The following EYS variants were observed in gnomAD, a reference collection of about 807,000 sequenced individuals.
EYS encodes the protein protein eyes shut homolog.
Under a neutral mutation model 282.1 loss-of-function variants are expected in EYS, and 250 were observed. The ratio of observed to expected loss-of-function variants is 0.89; its 90% CI spans 0.80 to 0.98. The LOEUF (loss-of-function observed/expected upper bound fraction) is 0.98. Ranked by LOEUF, EYS falls within the 50% of genes least tolerant of loss-of-function variation. The pLI, the probability that EYS is intolerant of heterozygous loss-of-function variation, is 0.00. For synonymous variants in EYS, 1,355 were observed against 1,282.9 expected (o/e 1.06, Z -1.20); for missense variants, 4,016 against 3,709.0 (o/e 1.08, Z -2.15).
At chr6:64,561,485 T>C (rs1765392737) in intron 26 of EYS, among the ~76,000 whole-genome samples, 1 of 152,028 alleles carries the variant, frequency 6.6e-6, no homozygotes, top group Non-Finnish European at 1.5e-5. Context: ...AGTTTCAGGA[T>C]ACAAAATCGA....
At chr6:63,877,156 C>T (rs2149715941) in intron 35 of EYS, among the ~76,000 whole-genome samples, 1 of 152,276 alleles carries the variant, frequency 6.6e-6, no homozygotes, top group African/African-American at 2.4e-5. Flanking sequence ...TCTTTTAGGG[C>T]AGGCCTGGTG....
intron 26 of EYS, among the ~76,000 whole-genome samples, chr6:64,470,226 T>C (rs942250427): frequency 6.6e-6 from 1 of 152,034 alleles, no homozygotes; most frequent in Non-Finnish European, 1.5e-5. Flanking sequence ...CTCTCTTGTC[T>C]CCACACACAG....
chr6:64,630,665 T>C (rs1255133963), intron 22 of EYS, among the ~76,000 whole-genome samples: 1 of 152,190 alleles, frequency 6.6e-6, no homozygotes, highest in Non-Finnish European at 1.5e-5. Flanking sequence ...TTTCAGAGTG[T>C]GTTAATGCAG....
intron 12 of EYS, among the ~76,000 whole-genome samples, chr6:65,132,541 A>G (rs1775907662): frequency 6.6e-6 from 1 of 152,072 alleles, no homozygotes; most frequent in Admixed American, 6.6e-5. Context: ...TCAACAAACT[A>G]GGTATTGAAG....
chr6:63,945,988 C>G (rs1765386367), intron 35 of EYS, among the ~76,000 whole-genome samples: 1 of 152,210 alleles, frequency 6.6e-6, no homozygotes, highest in African/African-American at 2.4e-5. Context: ...GTTCACTGCT[C>G]TATTTAGAGT....
intron 31 of EYS, among the ~76,000 whole-genome samples, chr6:64,160,492 G>T (rs2150300678): frequency 6.6e-6 from 1 of 152,232 alleles, no homozygotes; most frequent in South Asian, 2.1e-4. Flanking sequence ...TAGTCTTTGT[G>T]CATAAATCTA....
chr6:65,240,269 A>T (rs543886448), intron 12 of EYS, among the ~76,000 whole-genome samples: 1 of 152,044 alleles, frequency 6.6e-6, no homozygotes, highest in African/African-American at 2.4e-5. Context: ...TGCCCGGCTG[A>T]TTTTTTTAAA....
At chr6:65,661,477 C>G (rs1165488841) in intron 1 of EYS, among the ~76,000 whole-genome samples, 1 of 151,978 alleles carries the variant, frequency 6.6e-6, no homozygotes, top group Admixed American at 6.6e-5. Context: ...AACTTTATAA[C>G]TTACAAAGTA....
intron 29 of EYS, among the ~76,000 whole-genome samples, chr6:64,333,293 C>T (rs1347746785): frequency 6.6e-6 from 1 of 152,034 alleles, no homozygotes; most frequent in Non-Finnish European, 1.5e-5. Context: ...GGAAGTATTC[C>T]CTTACTCAAA....
chr6:64,897,320 A>G (rs1767506485), intron 18 of EYS, among the ~76,000 whole-genome samples: 1 of 152,166 alleles, frequency 6.6e-6, no homozygotes, highest in Non-Finnish European at 1.5e-5. Flanking sequence ...CAGGGTCCGC[A>G]GTGGACCTCC....
intron 22 of EYS, among the ~76,000 whole-genome samples, chr6:64,662,942 G>C (rs1769095595): frequency 6.6e-6 from 1 of 152,104 alleles, no homozygotes; most frequent in African/African-American, 2.4e-5. Flanking sequence ...AAGGAACCTA[G>C]ACTGTTTATA....
intron 31 of EYS, among the ~76,000 whole-genome samples, chr6:64,093,802 G>A (rs1772469156): frequency 6.6e-6 from 1 of 152,138 alleles, no homozygotes; most frequent in African/African-American, 2.4e-5. Flanking sequence ...TTGAATAGGA[G>A]TGGCGAGAGA....
At chr6:64,555,967 AAGAACAAAAACAGAC>A (rs770279057) in intron 26 of EYS, among the ~76,000 whole-genome samples, 6 of 152,018 alleles carry the variant, frequency 3.9e-5, no homozygotes, top group Non-Finnish European at 1.5e-5. Context: ...CAAAAATTAA[AAGAACAAAAACAGAC>A]AATAAAAAGT....
chr6:64,195,499 C>T lies in EYS; in HGVS notation c.6424+35093G>A, dbSNP rs563451576. ...TGTAGTTTTAGTAGAGACGGGGTTTCACCATATTGGCCAGGCTGGTTTCAA... is the reference window on the plus strand; with the variant it reads ...TGTAGTTTTAGTAGAGACGGGGTTTTACCATATTGGCCAGGCTGGTTTCAA... On this transcript the variant is annotated intron_variant, in intron 31 of 42. Coordinates refer to ENST00000503581, the MANE Select transcript of EYS (RefSeq NM_001142800.2). Among the ~76,000 whole-genome samples, 11 of 152,200 alleles carry T rather than the reference C, an allele frequency of 7.2e-5. No individual in the cohort carries two copies. In the South Asian group the frequency reaches 1.7e-3, roughly 23 times the overall value.
intron 12 of EYS, among the ~76,000 whole-genome samples, chr6:65,146,298 T>A (rs1764476685): frequency 6.6e-6 from 1 of 151,844 alleles, no homozygotes; most frequent in African/African-American, 2.4e-5. Context: ...ATAACTGACA[T>A]AAACAATCGC....
chr6:65,604,430 C>A (rs1185614943), intron 2 of EYS, among the ~76,000 whole-genome samples: 1 of 151,808 alleles, frequency 6.6e-6, no homozygotes, highest in Non-Finnish European at 1.5e-5. Context: ...TAAAAATTCA[C>A]ATGGAAACAC....
At chr6:65,574,069 C>T (rs1764573182) in intron 2 of EYS, among the ~76,000 whole-genome samples, 1 of 152,146 alleles carries the variant, frequency 6.6e-6, no homozygotes, top group Non-Finnish European at 1.5e-5. Flanking sequence ...GTCCCTGCGC[C>T]CTAGGCACTA....
At chr6:65,443,117 CAT>C (rs1768439882) in intron 5 of EYS, among the ~76,000 whole-genome samples, 1 of 147,802 alleles carries the variant, frequency 6.8e-6, no homozygotes, top group Non-Finnish European at 1.5e-5. Context: ...ATATGTGGAT[CAT>C]ATATGTACAC....
In EYS at chr6:65,529,981, G is replaced by C. The variant is rs116092968; in HGVS notation, c.-332-33988C>G. ...CAATTTATGGTACTTAGTTATATCA[G>C]CTCAAAATGATGAAGAAAATATTAT... On this transcript the variant is annotated intron_variant, in intron 2 of 42. Coordinates refer to ENST00000503581, the MANE Select transcript of EYS (RefSeq NM_001142800.2). Among the ~76,000 whole-genome samples, 13 of 152,190 alleles carry C rather than the reference G, an allele frequency of 8.5e-5. No individual in the cohort carries two copies. The East Asian group carries it at 1.4e-3, about 16-fold the overall frequency.
Sources: gnomAD v4.1 joint callset for allele counts (sites outside exome capture counted in the v4.1 genomes callset) on GRCh38, gnomAD v4.1.1 for gene constraint, MANE v1.5 for transcripts, NCBI Gene and HGNC (gene_info 2026-07-23, HGNC 2026-07-21) for gene names.